The following CEP128 variants were observed in gnomAD, a reference collection of about 807,000 sequenced individuals.
The protein encoded by CEP128 is centrosomal protein 128kDa.
In CEP128, 132 loss-of-function variants were observed where a neutral mutation model predicts 156.7. That is an observed-to-expected ratio of 0.84 (90% CI 0.73 to 0.97). The LOEUF (loss-of-function observed/expected upper bound fraction) is 0.97, where lower values mean the gene tolerates loss of function less well. CEP128 is among the 50% of genes least tolerant of loss of function. The probability of loss-of-function intolerance (pLI) is 0.00; values close to 1 mark genes in which losing one functional copy is unlikely to be tolerated. For missense variants in CEP128, 1,252 were observed against 1,281.9 expected (o/e 0.98, Z 0.36); for synonymous variants, 469 against 448.9 (o/e 1.04, Z -0.57).
intron 14 of CEP128, 67 bp from the exon 15 acceptor site, chr14:80,785,612 T>G: frequency 8.7e-7 from 1 of 1,148,506 alleles, no homozygotes; most frequent in Non-Finnish European, 1.2e-6. Flanking sequence ...CCATAGACTC[T>G]GCCAGTCAGC....
At chr14:80,853,978 A>G (rs1269608716) in intron 9 of CEP128, among the ~76,000 whole-genome samples, 1 of 96,972 alleles carries the variant, frequency 1.0e-5, no homozygotes, top group Admixed American at 1.0e-4. Flanking sequence ...TATTAAAAAA[A>G]AAATCCCCGG....
At chr14:80,736,840 A>C (rs1898556764) in intron 19 of CEP128, among the ~76,000 whole-genome samples, 1 of 152,182 alleles carries the variant, frequency 6.6e-6, no homozygotes, top group Non-Finnish European at 1.5e-5. Context: ...CACAGTTGAC[A>C]TCTGCACAGA....
At chr14:80,768,408 T>C (rs1213746290) in intron 16 of CEP128, among the ~76,000 whole-genome samples, 1 of 152,166 alleles carries the variant, frequency 6.6e-6, no homozygotes, top group Non-Finnish European at 1.5e-5. Flanking sequence ...AGCTGATTCT[T>C]TACATGTATT....
In CEP128 at chr14:80,729,058, GGTGTGTGTGTGT is replaced by G. The variant is rs559470308; in HGVS notation, c.2806+14005_2806+14016del. Among the ~76,000 whole-genome samples the G allele has an allele frequency of 2.1e-3, 222 of 105,036 alleles. 1 individual carries two copies. The highest frequency in any genetic ancestry group is 3.8e-3 in the Admixed American group (38 of 9,998). 68.9% of individuals were successfully genotyped at this position (105,036 alleles called of 152,430 possible). A position where few individuals can be genotyped will look rare whatever the true frequency, so the allele number is the denominator to read the frequency against. ...CCTAGTCCCAGGCTGGGCTGGTGGG[GGTGTGTGTGTGT>G]GTGTGTGTGTGTGTGTGTGTGTGTG... On this transcript the variant is annotated intron_variant, in intron 19 of 24. Transcript: ENST00000555265.
At chr14:80,532,735 T>G (rs900315359) in intron 21 of CEP128, among the ~76,000 whole-genome samples, 2 of 152,222 alleles carry the variant, frequency 1.3e-5, no homozygotes, top group African/African-American at 2.4e-5. Flanking sequence ...CCTTTTCTGT[T>G]CTGAGTCATT....
intron 19 of CEP128, among the ~76,000 whole-genome samples, chr14:80,647,126 T>TACACACACACACAC (rs1303390846): frequency 2.3e-5 from 2 of 88,100 alleles, no homozygotes; most frequent in African/African-American, 7.4e-5. Flanking sequence ...CACACACACA[T>TACACACACACACAC]ACACACACAC....
At chr14:80,730,673 G>T (rs1898232105) in intron 19 of CEP128, among the ~76,000 whole-genome samples, 1 of 152,184 alleles carries the variant, frequency 6.6e-6, no homozygotes. Context: ...TTATGTAGAT[G>T]ACTACAAAGA....
chr14:80,942,247 G>T (rs8009260), upstream of CEP128: 82,386 of 151,960 alleles, frequency 0.54, 22,914 homozygotes, highest in East Asian at 0.68. Context: ...GATTATGTAG[G>T]CCAACCTGTT....
chr14:80,895,873 A>G, intron 7 of CEP128, 83 bp from the exon 8 acceptor site: 3 of 948,296 alleles, frequency 3.2e-6, no homozygotes, highest in Non-Finnish European at 4.5e-6. Context: ...CATGATAATT[A>G]TGTTATTACA....
At chr14:80,536,306 T>C (rs1889480884) in intron 21 of CEP128, among the ~76,000 whole-genome samples, 1 of 152,240 alleles carries the variant, frequency 6.6e-6, no homozygotes, top group African/African-American at 2.4e-5. Context: ...ACATTTATTT[T>C]CTTATTAACA....
intron 19 of CEP128, among the ~76,000 whole-genome samples, chr14:80,731,630 T>A (rs991335576): frequency 8.5e-5 from 13 of 152,156 alleles, no homozygotes; most frequent in Admixed American, 3.9e-4. Flanking sequence ...AAAAAGCAAA[T>A]CTATAATTTC....
intron 19 of CEP128, among the ~76,000 whole-genome samples, chr14:80,659,063 T>C (rs1895290277): frequency 6.6e-6 from 1 of 152,190 alleles, no homozygotes; most frequent in South Asian, 2.1e-4. Flanking sequence ...AAGAGTATTG[T>C]GACAAGTGGT....
chr14:80,677,296 C>T (rs975955065), intron 19 of CEP128, among the ~76,000 whole-genome samples: 1 of 151,850 alleles, frequency 6.6e-6, no homozygotes, highest in East Asian at 1.9e-4. Flanking sequence ...CACCTGAGGT[C>T]GTTAGGAGTT....
chr14:80,733,318 A>G (rs1456915384), intron 19 of CEP128, among the ~76,000 whole-genome samples: 1 of 147,670 alleles, frequency 6.8e-6, no homozygotes, highest in Non-Finnish European at 1.5e-5. Context: ...GGGACTTCTC[A>G]GTCTTCATAA....
At chr14:80,852,930 G>A (rs1280698795) in intron 9 of CEP128, among the ~76,000 whole-genome samples, 1 of 151,644 alleles carries the variant, frequency 6.6e-6, no homozygotes, top group Non-Finnish European at 1.5e-5. Flanking sequence ...ATTCAGCAAT[G>A]TATAAAAAAA....
chr14:80,830,635 C>T (rs1366423818), intron 13 of CEP128: 2 of 172,166 alleles, frequency 1.2e-5, no homozygotes, highest in Non-Finnish European at 2.5e-5. Context: ...TCACGGTTAC[C>T]ATATCATCCA....
intron 19 of CEP128, among the ~76,000 whole-genome samples, chr14:80,673,587 A>G (rs1456084834): frequency 8.0e-6 from 1 of 124,810 alleles, no homozygotes; most frequent in Non-Finnish European, 1.6e-5. Flanking sequence ...CGGAGCTTGC[A>G]GTGAGCCGAG....
chr14:80,906,185 C>A, intron 4 of CEP128, 104 bp from the exon 5 acceptor site: 1 of 871,904 alleles, frequency 1.1e-6, no homozygotes, highest in Non-Finnish European at 1.6e-6. Context: ...ATCTGGGTTC[C>A]CCCCAAAAAA....
intron 16 of CEP128, among the ~76,000 whole-genome samples, chr14:80,767,751 C>A (rs551040650): frequency 6.6e-6 from 1 of 152,070 alleles, no homozygotes; most frequent in East Asian, 1.9e-4. Context: ...CATGTGAGAG[C>A]CTTAGTAAAA....
Sources: gnomAD v4.1 joint callset for allele counts (sites outside exome capture counted in the v4.1 genomes callset) on GRCh38, gnomAD v4.1.1 for gene constraint, MANE v1.5 for transcripts, NCBI Gene and HGNC (gene_info 2026-07-23, HGNC 2026-07-21) for gene names.